The following ZNF487 variants were observed in gnomAD, a reference collection of about 807,000 sequenced individuals.
ZNF487 encodes KRAB domain only 1.
Under a neutral mutation model 3.0 loss-of-function variants are expected in ZNF487, and 4 were observed. The ratio of observed to expected loss-of-function variants is 1.35; its 90% CI spans 0.66 to 3.08. The LOEUF (loss-of-function observed/expected upper bound fraction) is 3.08. ZNF487 is among the 30% of genes most tolerant of loss of function. ZNF487 has a pLI of 0.01. For synonymous variants in ZNF487, 55 were observed against 34.6 expected (o/e 1.59, Z -2.06); for missense variants, 146 against 98.7 (o/e 1.48, Z -2.03).
chr10:43,498,271 T>C, the ZNF487 span, among the ~76,000 whole-genome samples: 2 of 128,010 alleles, frequency 1.6e-5, no homozygotes, highest in African/African-American at 6.2e-5. Context: ...TATATATATA[T>C]ATATTTTTTT....
chr10:43,441,618 C>CAG (rs1554794638), intron 1 of ZNF487, among the ~76,000 whole-genome samples: 1 of 1,890 alleles, frequency 5.3e-4, no homozygotes, highest in African/African-American at 2.9e-3. Flanking sequence ...GTCAGGGTCT[C>CAG]TCTGTCACCC....
intron 1 of ZNF487, among the ~76,000 whole-genome samples, chr10:43,457,182 G>T (rs891386025): frequency 6.6e-5 from 10 of 152,150 alleles, no homozygotes; most frequent in Admixed American, 4.6e-4. Flanking sequence ...GAAGGCGGAG[G>T]TTGTAGTGAG....
chr10:43,454,935 C>CT (rs1840122954), intron 1 of ZNF487, among the ~76,000 whole-genome samples: 1 of 68,766 alleles, frequency 1.5e-5, no homozygotes, highest in South Asian at 5.5e-4. Context: ...CAGACCTTGT[C>CT]TCAAAAAAAA....
intron 1 of ZNF487, among the ~76,000 whole-genome samples, chr10:43,451,489 C>T (rs762473281): frequency 2.0e-5 from 3 of 150,914 alleles, no homozygotes; most frequent in African/African-American, 7.3e-5. Context: ...AGGTGATCCA[C>T]CCGCCTTGGC....
At chr10:43,453,095 T>G (rs1232768918) in intron 1 of ZNF487, 6 of 152,062 alleles carry the variant, frequency 3.9e-5, no homozygotes, top group Admixed American at 2.0e-4. Flanking sequence ...AGTGTAAATG[T>G]GATGAGGCCA....
the ZNF487 span, among the ~76,000 whole-genome samples, chr10:43,499,785 G>C: frequency 3.9e-5 from 6 of 152,006 alleles, no homozygotes; most frequent in East Asian, 1.2e-3. Flanking sequence ...ATTGTCTGCA[G>C]ACAGATGATT....
the ZNF487 span, among the ~76,000 whole-genome samples, chr10:43,503,990 T>C: frequency 6.6e-6 from 1 of 152,182 alleles, no homozygotes; most frequent in South Asian, 2.1e-4. Context: ...TACACTTGCC[T>C]ACAGTATTCA....
At chr10:43,521,008 T>C in the ZNF487 span, among the ~76,000 whole-genome samples, 24 of 152,216 alleles carry the variant, frequency 1.6e-4, no homozygotes, top group Admixed American at 2.6e-4. Flanking sequence ...TTTTTGACCA[T>C]AGTATTGTTA....
At chr10:43,501,612 C>T in the ZNF487 span, among the ~76,000 whole-genome samples, 13 of 81,352 alleles carry the variant, frequency 1.6e-4, no homozygotes, top group African/African-American at 3.9e-4. Flanking sequence ...TAGTGGCATG[C>T]GCCTGTAGTC....
At chr10:43,465,592 C>T (rs1364617960) in intron 1 of ZNF487, among the ~76,000 whole-genome samples, 5 of 151,012 alleles carry the variant, frequency 3.3e-5, no homozygotes, top group South Asian at 4.2e-4. Flanking sequence ...AGATGATGGG[C>T]GGCCGGGCAG....
At chr10:43,519,441 C>G in the ZNF487 span, among the ~76,000 whole-genome samples, 1 of 151,548 alleles carries the variant, frequency 6.6e-6, no homozygotes, top group African/African-American at 2.4e-5. Context: ...TATGATTTCT[C>G]TCCTCTTACC....
the ZNF487 span, among the ~76,000 whole-genome samples, chr10:43,514,760 G>A: frequency 6.6e-6 from 1 of 152,144 alleles, no homozygotes; most frequent in South Asian, 2.1e-4. Context: ...TGTTAGATCT[G>A]ACATACAGAG....
chr10:43,486,427 G>A (rs1275994579), downstream of ZNF487, among the ~76,000 whole-genome samples: 1 of 152,100 alleles, frequency 6.6e-6, no homozygotes, highest in East Asian at 1.9e-4. Flanking sequence ...TCGGGAGGCT[G>A]AGGCAGGAGA....
intron 1 of ZNF487, among the ~76,000 whole-genome samples, chr10:43,439,174 C>A (rs11238542): frequency 0.54 from 82,161 of 151,696 alleles, 24,723 homozygotes; most frequent in African/African-American, 0.83. Context: ...TCCGGGAGGC[C>A]GAGGTTGCAG....
chr10:43,481,868 T>C lies in ZNF487; in HGVS notation c.570T>C (p.His190=). ...ACAATCAGTGTGGGAAGGCTTTTCATGAAGAGGCAGCCTGCAGTACCCATA... is the reference window on the plus strand; with the variant it reads ...ACAATCAGTGTGGGAAGGCTTTTCACGAAGAGGCAGCCTGCAGTACCCATA... ...FEYNQCGKAF[H]EEAACSTHKR... The change falls in exon 4 of 4, where the codon CAT becomes CAC. Residue 190 remains histidine (H), a synonymous_variant. Coordinates refer to ENST00000437590, the MANE Select transcript of ZNF487 (RefSeq NM_001355444.3). 3 of 701,708 alleles carry C rather than the reference T, an allele frequency of 4.3e-6. No individual in the cohort carries two copies. Among genetic ancestry groups the C allele is most frequent in the Non-Finnish European group, 7.8e-6 (3 of 384,634 alleles). 43.5% of individuals were successfully genotyped at this position (701,708 alleles called of 1,614,324 possible).
chr10:43,483,401 C>T (rs143266802), downstream of ZNF487, among the ~76,000 whole-genome samples: 2,105 of 152,038 alleles, frequency 0.014, 37 homozygotes, highest in Middle Eastern at 0.017. Flanking sequence ...CCACCATGCC[C>T]GGCTAATTTT....
the ZNF487 span, among the ~76,000 whole-genome samples, chr10:43,516,885 A>C: frequency 1.3e-5 from 2 of 152,212 alleles, no homozygotes; most frequent in African/African-American, 4.8e-5. Context: ...TCACATGGCT[A>C]ATATGCCCTG....
the ZNF487 span, among the ~76,000 whole-genome samples, chr10:43,491,344 T>C: frequency 6.6e-6 from 1 of 151,712 alleles, no homozygotes; most frequent in African/African-American, 2.4e-5. Context: ...GAGAATTTTA[T>C]TCTTATTCTT....
At chr10:43,494,419 C>T in the ZNF487 span, among the ~76,000 whole-genome samples, 1 of 152,260 alleles carries the variant, frequency 6.6e-6, no homozygotes, top group African/African-American at 2.4e-5. Flanking sequence ...GAATTGCTTG[C>T]CAACTCCTGC....
Sources: allele counts gnomAD v4.1 joint callset (sites outside exome capture counted in the v4.1 genomes callset), GRCh38; gene constraint gnomAD v4.1.1; transcripts MANE v1.5; gene names NCBI Gene and HGNC (gene_info 2026-07-23, HGNC 2026-07-21).